Variants in MPDZ observed in about 807,000 individuals in gnomAD.
The protein encoded by MPDZ is multiple PDZ domain protein.
In MPDZ, 234 loss-of-function variants were observed where a neutral mutation model predicts 239.1. The observed-to-expected ratio is 0.98, with a 90% confidence interval of 0.88 to 1.09. MPDZ has a LOEUF of 1.09. Ranked by LOEUF, MPDZ falls within the 50% of genes least tolerant of loss-of-function variation. The pLI, the probability that MPDZ is intolerant of heterozygous loss-of-function variation, is 0.00. For synonymous variants in MPDZ, 1,048 were observed against 881.3 expected (o/e 1.19, Z -3.35); for missense variants, 3,175 against 2,510.0 (o/e 1.26, Z -5.66).
At chr9:13,133,704 C>G in intron 32 of MPDZ, 120 bp downstream of exon 32, 1 of 631,202 alleles carries the variant, frequency 1.6e-6, no homozygotes, top group Non-Finnish European at 2.7e-6. Context: ...GCAGTTCTAA[C>G]AAAACCTCAG....
At position 13,113,974 on chromosome 9, in the gene MPDZ, G is replaced by A. The variant is rs763579694; in HGVS notation, c.5514C>T (p.Ser1838=). Residue 1838 remains serine, a synonymous_variant, in exon 41 of 47, where the codon TCC becomes TCT. Coordinates refer to ENST00000319217, the MANE Select transcript of MPDZ (RefSeq NM_001378778.1). The stretch of plus-strand genomic sequence containing the variant: ...TACTTTCCAGTGACTCAGATGTACT[G>A]GATCCAGAGAGTGGAAAAGTGAAAG... ...LSSFTFPLSG[S]STSESLESSS... The A allele has an allele frequency of 5.9e-5, 95 of 1,598,922 alleles. No homozygotes were observed. Among genetic ancestry groups the A allele is most frequent in the Non-Finnish European group, 6.9e-5 (81 of 1,172,302 alleles).
In MPDZ at chr9:13,206,078, C is replaced by G. The variant is rs1564027262; in HGVS notation, c.1312G>C (p.Gly438Arg). ...TCTACTGCTTGCTGATTAGTAAAAC[C>G]CTGAAGGTTTGTGCCATCTACCTGT... is the stretch of plus-strand genomic sequence containing the variant. ...IIAVDGTNLQ[G>R]FTNQQAVEVL... Residue 438 changes from glycine to arginine, a missense_variant, in exon 11 of 47, where the codon GGT (glycine) becomes CGT (arginine). Physicochemically the swap from Gly to Arg is moderately radical, Grantham distance 125. Transcript: ENST00000319217. 1.2e-6 allele frequency: 2 copies of G among 1,608,012 alleles called. No individual in the cohort carries two copies. Among genetic ancestry groups the G allele is most frequent in the South Asian group, 1.1e-5 (1 of 90,014 alleles).
intron 1 of MPDZ, among the ~76,000 whole-genome samples, chr9:13,276,218 C>T (rs1304372548): frequency 2.0e-5 from 3 of 152,160 alleles, no homozygotes; most frequent in African/African-American, 7.2e-5. Flanking sequence ...ATGAATACCT[C>T]GGATCTTCTC....
intron 3 of MPDZ, among the ~76,000 whole-genome samples, chr9:13,239,193 C>T (rs913819935): frequency 6.6e-6 from 1 of 152,140 alleles, no homozygotes; most frequent in Non-Finnish European, 1.5e-5. Context: ...CACGCTGCCA[C>T]AATCTGAGAT....
chr9:13,198,737 C>CTCTCTCTCTGTGTGTGTGTG (rs755487892), intron 12 of MPDZ, among the ~76,000 whole-genome samples: 4 of 69,754 alleles, frequency 5.7e-5, no homozygotes, highest in Non-Finnish European at 1.2e-4. Flanking sequence ...ATCTCTCTCT[C>CTCTCTCTCTGTGTGTGTGTG]TGTGTGTGTG....
intron 2 of MPDZ, among the ~76,000 whole-genome samples, chr9:13,248,496 T>A (rs1158962729): frequency 6.6e-6 from 1 of 152,110 alleles, no homozygotes; most frequent in African/African-American, 2.4e-5. Flanking sequence ...CCAGACAGTT[T>A]CCACCACAAA....
intron 32 of MPDZ, among the ~76,000 whole-genome samples, chr9:13,128,132 C>G (rs779945889): frequency 5.3e-5 from 8 of 152,144 alleles, no homozygotes; most frequent in Non-Finnish European, 1.0e-4. Context: ...CACTATGTTT[C>G]AGGCTGTAGA....
intron 12 of MPDZ, among the ~76,000 whole-genome samples, chr9:13,198,737 C>CTCTGTGTGTG (rs755487892): frequency 1.5e-3 from 102 of 69,800 alleles, no homozygotes; most frequent in Non-Finnish European, 1.9e-3. Context: ...ATCTCTCTCT[C>CTCTGTGTGTG]TGTGTGTGTG....
chr9:13,129,499 A>G (rs1243319038), intron 32 of MPDZ, among the ~76,000 whole-genome samples: 1 of 151,734 alleles, frequency 6.6e-6, no homozygotes, highest in Non-Finnish European at 1.5e-5. Context: ...AAATAAAAAT[A>G]AATAAATGAA....
At chr9:13,209,978 G>GA (rs939302708) in intron 10 of MPDZ, among the ~76,000 whole-genome samples, 3 of 135,470 alleles carry the variant, frequency 2.2e-5, no homozygotes, top group East Asian at 2.1e-4. Flanking sequence ...AAATGAGGGG[G>GA]AAAAAAATCA....
chr9:13,152,030 G>C (rs962393799), intron 24 of MPDZ, among the ~76,000 whole-genome samples: 1 of 152,068 alleles, frequency 6.6e-6, no homozygotes, highest in African/African-American at 2.4e-5. Flanking sequence ...GTAAAAGGAT[G>C]ATTTTACAGG....
intron 12 of MPDZ, 89 bp downstream of exon 12, chr9:13,204,947 T>C: frequency 1.2e-6 from 1 of 824,286 alleles, no homozygotes; most frequent in Non-Finnish European, 1.7e-6. Context: ...ACTTACAATA[T>C]ATCCATAGAG....
chr9:13,232,791 T>A (rs1268234656), intron 3 of MPDZ, among the ~76,000 whole-genome samples: 2 of 149,040 alleles, frequency 1.3e-5, no homozygotes, highest in Non-Finnish European at 3.0e-5. Context: ...AGCAAAGAAG[T>A]TGTATTCAGG....
At chr9:13,224,701 C>A in intron 3 of MPDZ, 118 bp from the exon 4 acceptor site, 1 of 686,534 alleles carries the variant, frequency 1.5e-6, no homozygotes, top group South Asian at 2.4e-5. Flanking sequence ...ATCCTTTAAT[C>A]CAGCAATTCT....
At chr9:13,196,870 T>A (rs1955716421) in intron 12 of MPDZ, among the ~76,000 whole-genome samples, 1 of 151,958 alleles carries the variant, frequency 6.6e-6, no homozygotes, top group Admixed American at 6.6e-5. Context: ...GGTTGAGAAA[T>A]TTGAAGTCAT....
chr9:13,137,104 G>C (rs761110136), intron 29 of MPDZ, among the ~76,000 whole-genome samples: 4 of 152,016 alleles, frequency 2.6e-5, no homozygotes, highest in Non-Finnish European at 5.9e-5. Context: ...GCAGGCACTG[G>C]GCTCCCAGCA....
In MPDZ at chr9:13,250,330, A is replaced by T. The variant is rs1398628848; in HGVS notation, c.-15T>A. ...GCTTCCAACATTTTTTTCAAAGTTC[A>T]GTGTTCTTCTCTGAAATGATTAACA... is the stretch of plus-strand genomic sequence containing the variant. On this transcript the variant is annotated 5_prime_UTR_variant, in exon 2 of 47. Transcript: ENST00000319217. The T allele has an allele frequency of 8.8e-6, 14 of 1,584,900 alleles. No homozygotes were observed. The highest frequency in any genetic ancestry group is 1.2e-5 in the Non-Finnish European group (14 of 1,164,134).
At chr9:13,203,322 C>T (rs1587757764) in intron 12 of MPDZ, among the ~76,000 whole-genome samples, 1 of 152,114 alleles carries the variant, frequency 6.6e-6, no homozygotes, top group South Asian at 2.1e-4. Flanking sequence ...TCTAAGTCTG[C>T]TGTGTTTACA....
intron 11 of MPDZ, 100 bp from the exon 12 acceptor site, chr9:13,205,207 C>G: frequency 1.7e-6 from 1 of 589,160 alleles, no homozygotes; most frequent in Non-Finnish European, 2.7e-6. Flanking sequence ...ACATGAGAAT[C>G]TGTTTTTCAG....
Sources: gnomAD v4.1 joint callset for allele counts (sites outside exome capture counted in the v4.1 genomes callset) on GRCh38, gnomAD v4.1.1 for gene constraint, MANE v1.5 for transcripts, NCBI Gene and HGNC (gene_info 2026-07-23, HGNC 2026-07-21) for gene names.